NRG3: variants seen among roughly 807,000 people sequenced by gnomAD.
The protein encoded by NRG3 is pro-neuregulin-3, membrane-bound isoform.
In NRG3, 31 loss-of-function variants were observed where a neutral mutation model predicts 66.9. The observed-to-expected ratio is 0.46, with a 90% CI of 0.35 to 0.63. The LOEUF (loss-of-function observed/expected upper bound fraction) is 0.63, where lower values mean the gene tolerates loss of function less well. Among genes scored for constraint, NRG3 ranks in the 20% least tolerant of loss-of-function variants. The probability of loss-of-function intolerance (pLI) is 0.00; values close to 1 mark genes in which losing one functional copy is unlikely to be tolerated. For synonymous variants in NRG3, 393 were observed against 359.4 expected (o/e 1.09, Z -1.06); for missense variants, 910 against 878.9 (o/e 1.04, Z -0.45).
At chr10:82,361,363 G>A (rs922368102) in intron 2 of NRG3, among the ~76,000 whole-genome samples, 1 of 152,108 alleles carries the variant, frequency 6.6e-6, no homozygotes, top group Non-Finnish European at 1.5e-5. Context: ...TAGGTTAATA[G>A]ATGCCTATAA....
At position 81,917,293 on chromosome 10, in the gene NRG3, C is replaced by T. The variant is rs149610697; in HGVS notation, c.823+41130C>T. ...CTCTCCTTCCTCGGCTCTCCCCAAA[C>T]AATTTACACATCTCTTGGTGCATAA... On this transcript the variant is annotated intron_variant, in intron 1 of 8. Coordinates refer to ENST00000372141, the MANE Select transcript of NRG3 (RefSeq NM_001010848.4). Among the ~76,000 whole-genome samples, 24 of 152,328 alleles carry T rather than the reference C, an allele frequency of 1.6e-4. No individual in the cohort carries two copies. The East Asian group carries it at 4.6e-3, about 29-fold the overall frequency.
In NRG3 at chr10:82,985,339, G is replaced by A. The variant is rs143275279; in HGVS notation, c.1825G>A (p.Val609Ile). 86 of 1,614,006 alleles carry A rather than the reference G, an allele frequency of 5.3e-5. No individual in the cohort carries two copies. Among genetic ancestry groups the A allele is most frequent in the Middle Eastern group, 1.6e-4 (1 of 6,084 alleles). The change falls in exon 9 of 9, where the codon GTT (valine) becomes ATT (isoleucine). Residue 609 changes from valine (V) to isoleucine (I), a missense_variant. Coordinates refer to ENST00000372141, the MANE Select transcript of NRG3 (RefSeq NM_001010848.4). ...GTGCAAAAACTCCTATTCAGCTGACGTTGTCAATGTGAGTATTCCAGTCAG... is the reference window on the plus strand; with the variant it reads ...GTGCAAAAACTCCTATTCAGCTGACATTGTCAATGTGAGTATTCCAGTCAG... ...KWCKNSYSAD[V>I]VNVSIPVSDC...
At chr10:82,072,072 G>T (rs938553805) in intron 1 of NRG3, among the ~76,000 whole-genome samples, 6 of 152,110 alleles carry the variant, frequency 3.9e-5, no homozygotes, top group East Asian at 3.9e-4. Context: ...TAGGGTGTGT[G>T]TATGTGTGTG....
intron 2 of NRG3, among the ~76,000 whole-genome samples, chr10:82,442,399 C>T (rs187187019): frequency 9.2e-5 from 14 of 152,212 alleles, no homozygotes; most frequent in East Asian, 7.7e-4. Flanking sequence ...TGGTTAAAGA[C>T]GCATTCACAG....
Position 82,958,825 on chromosome 10 carries a change from C to T in NRG3, c.1158-124C>T, listed in dbSNP as rs543859726. On this transcript the variant is annotated intron_variant, in intron 5 of 8. Transcript: ENST00000372141. ...TTGGAAATGAGAGAAGGGTTCTCTT[C>T]GTTAGCTGAGTTTATTTAACTTTAG... 1.6e-5 allele frequency: 18 copies of T among 1,152,966 alleles called. No homozygotes were observed. In the Admixed American group the frequency reaches 3.1e-4, roughly 20 times the overall value. The allele number at this position is 1,152,966 out of a possible 1,614,324, so 71.4% of individuals were successfully genotyped here.
At chr10:82,439,307 A>T (rs1281499464) in intron 2 of NRG3, among the ~76,000 whole-genome samples, 1 of 152,156 alleles carries the variant, frequency 6.6e-6, no homozygotes, top group Non-Finnish European at 1.5e-5. Context: ...TATCTCCTGC[A>T]TGAGCACAGG....
At chr10:82,896,629 C>A (rs1265958559) in intron 4 of NRG3, among the ~76,000 whole-genome samples, 1 of 152,128 alleles carries the variant, frequency 6.6e-6, no homozygotes, top group African/African-American at 2.4e-5. Context: ...AAAACCTTTG[C>A]TTTTTGAAAA....
At chr10:82,004,496 A>C (rs964748445) in intron 1 of NRG3, among the ~76,000 whole-genome samples, 2 of 152,222 alleles carry the variant, frequency 1.3e-5, no homozygotes, top group African/African-American at 4.8e-5. Context: ...GTCATCATCA[A>C]TCTAACCGTA....
chr10:82,703,668 A>G (rs1234517984), intron 2 of NRG3, among the ~76,000 whole-genome samples: 1 of 152,152 alleles, frequency 6.6e-6, no homozygotes, highest in Non-Finnish European at 1.5e-5. Flanking sequence ...ACTTGCTACA[A>G]TATATTGTAT....
At chr10:82,386,314 C>A (rs943377404) in intron 2 of NRG3, among the ~76,000 whole-genome samples, 15 of 151,984 alleles carry the variant, frequency 9.9e-5, no homozygotes, top group African/African-American at 1.2e-4. Flanking sequence ...TATTAAAAGT[C>A]TTTTTTATGC....
At chr10:82,824,928 C>T (rs536628698) in intron 3 of NRG3, among the ~76,000 whole-genome samples, 23 of 151,974 alleles carry the variant, frequency 1.5e-4, no homozygotes, top group Admixed American at 4.6e-4. Flanking sequence ...CCCAGGCTGG[C>T]CTTGAGCTCC....
chr10:82,758,121 T>C (rs1184074027), intron 3 of NRG3, among the ~76,000 whole-genome samples: 1 of 152,034 alleles, frequency 6.6e-6, no homozygotes, highest in Non-Finnish European at 1.5e-5. Flanking sequence ...AGAAGAGAGA[T>C]TGCTGAAGGT....
chr10:82,600,134 C>A (rs2133386517), intron 2 of NRG3, among the ~76,000 whole-genome samples: 1 of 152,176 alleles, frequency 6.6e-6, no homozygotes, highest in East Asian at 1.9e-4. Context: ...GCATACTTCC[C>A]TTATTCCCAG....
intron 3 of NRG3, among the ~76,000 whole-genome samples, chr10:82,769,608 A>T (rs17100779): frequency 0.02 from 3,116 of 152,252 alleles, 110 homozygotes; most frequent in African/African-American, 0.07. Flanking sequence ...TTAACAAATA[A>T]CTATTCTGCA....
chr10:82,225,879 T>C (rs1294137143), intron 1 of NRG3, among the ~76,000 whole-genome samples: 1 of 152,176 alleles, frequency 6.6e-6, no homozygotes, highest in Admixed American at 6.5e-5. Context: ...TTTGTTGAAG[T>C]ATATTAAGAT....
intron 1 of NRG3, among the ~76,000 whole-genome samples, chr10:82,199,662 T>C (rs1329134301): frequency 6.6e-6 from 1 of 152,114 alleles, no homozygotes; most frequent in Non-Finnish European, 1.5e-5. Context: ...ACAATAAAGA[T>C]AGCTATTTGT....
At chr10:82,377,440 G>A (rs952920528) in intron 2 of NRG3, among the ~76,000 whole-genome samples, 3 of 119,358 alleles carry the variant, frequency 2.5e-5, no homozygotes, top group Admixed American at 1.5e-4. Flanking sequence ...GTGCGCGTGT[G>A]TGTGTGTGTG....
chr10:82,098,831 T>C (rs2066542096), intron 1 of NRG3, among the ~76,000 whole-genome samples: 1 of 152,224 alleles, frequency 6.6e-6, no homozygotes, highest in Admixed American at 6.5e-5. Flanking sequence ...TGGTGCGATC[T>C]CGGCTCACTG....
chr10:82,903,222 T>C (rs2131897115), intron 4 of NRG3, among the ~76,000 whole-genome samples: 1 of 152,302 alleles, frequency 6.6e-6, no homozygotes, highest in African/African-American at 2.4e-5. Flanking sequence ...AAGTTTGTAG[T>C]TGCTTCTTGT....
Sources: gnomAD v4.1 joint callset for allele counts (sites outside exome capture counted in the v4.1 genomes callset) on GRCh38, gnomAD v4.1.1 for gene constraint, MANE v1.5 for transcripts, NCBI Gene and HGNC (gene_info 2026-07-23, HGNC 2026-07-21) for gene names.